Variants in DLG5 observed in about 807,000 individuals in gnomAD.
DLG5 encodes the protein disks large homolog 5.
A neutral mutation model predicts 189.8 loss-of-function variants in DLG5; 48 were observed. That is an observed-to-expected ratio of 0.25 (90% CI 0.20 to 0.32). The LOEUF (loss-of-function observed/expected upper bound fraction) is 0.32. DLG5 is among the 10% of genes least tolerant of loss of function. The pLI is 1.00. For missense variants in DLG5, 2,160 were observed against 2,544.7 expected, an observed-to-expected ratio of 0.85 and a Z score of 3.25; for synonymous variants, 1,016 against 1,054.1, an observed-to-expected ratio of 0.96 and a Z score of 0.70.
Position 77,812,213 on chromosome 10 carries a change from A to T in DLG5, c.4188+2T>A. 1 of 1,610,858 alleles carries T rather than the reference A, an allele frequency of 6.2e-7. No individual in the cohort carries two copies. The highest frequency in any genetic ancestry group is 8.5e-7 in the Non-Finnish European group (1 of 1,177,670). On this transcript the variant is annotated splice_donor_variant, in intron 21 of 31. Transcript: ENST00000372391. LOFTEE classifies it high-confidence loss of function. ...CCATGCAGGAGGGCAGCTCCCTCTC[A>T]CCTCCAGTAACTGATCCCCATACTC...
chr10:77,931,065 C>G (rs1448616320), upstream of DLG5, among the ~76,000 whole-genome samples: 1 of 152,000 alleles, frequency 6.6e-6, no homozygotes, highest in Non-Finnish European at 1.5e-5. Flanking sequence ...GGTGATCTGC[C>G]CTCCTCGGCC....
chr10:77,884,479 G>A (rs967987058), intron 1 of DLG5, among the ~76,000 whole-genome samples: 18 of 152,074 alleles, frequency 1.2e-4, no homozygotes, highest in African/African-American at 3.9e-4. Context: ...TCGGGCAAGA[G>A]TATCTCATCC....
intron 1 of DLG5, among the ~76,000 whole-genome samples, chr10:77,898,777 G>A (rs576688311): frequency 7.9e-5 from 12 of 152,158 alleles, no homozygotes; most frequent in African/African-American, 1.4e-4. Flanking sequence ...CCAGGCAGGC[G>A]GTAAGGAAGT....
intron 1 of DLG5, among the ~76,000 whole-genome samples, chr10:77,904,775 A>AC (rs958916631): frequency 3.3e-5 from 5 of 151,918 alleles, no homozygotes; most frequent in African/African-American, 7.3e-5. Context: ...CAAATAAAAA[A>AC]AAAAACAAAA....
At chr10:77,820,072 G>A (rs117639725) in intron 15 of DLG5, 54 bp from the exon 16 acceptor site, 50,023 of 1,603,556 alleles carry the variant, frequency 0.031, 1,444 homozygotes, top group East Asian at 0.17. Flanking sequence ...GTGGCCAGGC[G>A]CAGTGGCTCA....
At chr10:77,877,834 C>A (rs1845148490) in intron 1 of DLG5, among the ~76,000 whole-genome samples, 2 of 151,260 alleles carry the variant, frequency 1.3e-5, no homozygotes, top group African/African-American at 4.8e-5. Flanking sequence ...ACAGCACCCA[C>A]AAGGCGAGGT....
chr10:77,815,151 G>A (rs1841987982), intron 20 of DLG5, among the ~76,000 whole-genome samples: 1 of 152,176 alleles, frequency 6.6e-6, no homozygotes, highest in East Asian at 1.9e-4. Context: ...TTCACTTGGG[G>A]AAGGTCCCGT....
intron 25 of DLG5, 147 bp from the exon 26 acceptor site, chr10:77,807,075 T>A: frequency 1.1e-6 from 1 of 874,146 alleles, no homozygotes; most frequent in South Asian, 1.9e-5. Flanking sequence ...GTGGTGATTC[T>A]CAAAGTGGGG....
chr10:77,813,341 G>C (rs547947727), intron 20 of DLG5, among the ~76,000 whole-genome samples: 2 of 151,852 alleles, frequency 1.3e-5, no homozygotes, highest in Non-Finnish European at 2.9e-5. Context: ...ACCCCACCCC[G>C]GCCACCTGGA....
chr10:77,887,407 C>G (rs1192236452), intron 1 of DLG5, among the ~76,000 whole-genome samples: 1 of 151,952 alleles, frequency 6.6e-6, no homozygotes, highest in East Asian at 1.9e-4. Context: ...TTCCCAGCCT[C>G]AGGCCCCCAG....
chr10:77,830,125 G>A lies in DLG5; in HGVS notation c.2009+92C>T, dbSNP rs891177392. 88 of 1,528,438 alleles carry A rather than the reference G, an allele frequency of 5.8e-5. No individual in the cohort carries two copies. The African/African-American group carries it at 6.7e-4, about 12-fold the overall frequency. The allele number at this position is 1,528,438 out of a possible 1,614,324, so 94.7% of individuals were successfully genotyped here. On this transcript the variant is annotated intron_variant, in intron 11 of 31. Coordinates refer to ENST00000372391, the MANE Select transcript of DLG5 (RefSeq NM_004747.4). ...GTGTGTGAGTCTAAGGCTGGGAAACGTTCACCTAAGTGCTACCTGGCTCTC... is the reference window on the plus strand; with the variant it reads ...GTGTGTGAGTCTAAGGCTGGGAAACATTCACCTAAGTGCTACCTGGCTCTC...
intron 5 of DLG5, among the ~76,000 whole-genome samples, chr10:77,845,822 CA>C (rs1843660135): frequency 6.6e-6 from 1 of 151,324 alleles, no homozygotes; most frequent in South Asian, 2.1e-4. Context: ...GTATCTCAGG[CA>C]GTCAAAATCT....
intron 1 of DLG5, among the ~76,000 whole-genome samples, chr10:77,909,625 G>A (rs186161325): frequency 6.6e-6 from 1 of 152,184 alleles, no homozygotes; most frequent in East Asian, 1.9e-4. Context: ...CACAAAATCG[G>A]GGGAAATGCA....
intron 1 of DLG5, among the ~76,000 whole-genome samples, chr10:77,905,908 A>G (rs1846059031): frequency 6.6e-6 from 1 of 152,226 alleles, no homozygotes; most frequent in African/African-American, 2.4e-5. Context: ...ATAGCACTGC[A>G]CCATCCATGC....
chr10:77,921,164 T>C (rs977824660), intron 1 of DLG5, among the ~76,000 whole-genome samples: 3 of 152,076 alleles, frequency 2.0e-5, no homozygotes, highest in African/African-American at 7.2e-5. Context: ...TGAGCTATGA[T>C]TGCACCACTG....
At chr10:77,857,409 G>A (rs1355594977) in intron 2 of DLG5, among the ~76,000 whole-genome samples, 1 of 152,248 alleles carries the variant, frequency 6.6e-6, no homozygotes, top group Non-Finnish European at 1.5e-5. Context: ...CCTCGACCAG[G>A]GCTGGACAGT....
At chr10:77,901,042 G>A (rs1185616232) in intron 1 of DLG5, among the ~76,000 whole-genome samples, 1 of 151,514 alleles carries the variant, frequency 6.6e-6, no homozygotes, top group Non-Finnish European at 1.5e-5. Flanking sequence ...TTGAACCCGG[G>A]AGGCAGAGGT....
At chr10:77,923,162 C>T (rs1846585460) in intron 1 of DLG5, among the ~76,000 whole-genome samples, 1 of 152,226 alleles carries the variant, frequency 6.6e-6, no homozygotes. Context: ...CCCCTTGACG[C>T]TAAGGATCCC....
rs1842258553 is a variant in DLG5, at chr10:77,820,000, C to G, written c.3421G>C (p.Ala1141Pro). 1 of 1,613,206 alleles carries G rather than the reference C, an allele frequency of 6.2e-7. No individual in the cohort carries two copies. Among genetic ancestry groups the G allele is most frequent in the Admixed American group, 1.7e-5 (1 of 59,962 alleles). The stretch of plus-strand genomic sequence containing the variant: ...AGCTCCGGGGAGAGTTCTCCACTGG[C>G]CGGGACACACTTCTGTTCCTGCAGA... ...QFLEEQKCVP[A>P]SGELSPELQE... The change falls in exon 16 of 32, where the codon GCC (alanine) becomes CCC (proline). Residue 1141 changes from alanine (A) to proline (P), a missense_variant. By Grantham distance (27) the Ala-to-Pro change is conservative. Transcript: ENST00000372391.
Sources: allele counts gnomAD v4.1 joint callset (sites outside exome capture counted in the v4.1 genomes callset), GRCh38; gene constraint gnomAD v4.1.1; transcripts MANE v1.5; gene names NCBI Gene and HGNC (gene_info 2026-07-23, HGNC 2026-07-21).